The following SHANK2 variants were observed in gnomAD, a reference collection of about 807,000 sequenced individuals.
SHANK2 encodes SH3 and multiple ankyrin repeat domains protein 2.
In SHANK2, 43 loss-of-function variants were observed where a neutral mutation model predicts 133.7. That is an observed-to-expected ratio of 0.32 (90% CI 0.25 to 0.41). SHANK2 has a LOEUF of 0.41. Ranked by LOEUF, SHANK2 falls within the 10% of genes least tolerant of loss-of-function variation. SHANK2 has a pLI of 1.00. For synonymous variants in SHANK2, 1,017 were observed against 952.8 expected, an observed-to-expected ratio of 1.07 and a Z score of -1.24; for missense variants, 1,994 against 2,235.8, an observed-to-expected ratio of 0.89 and a Z score of 2.18.
At chr11:71,146,695 A>C (rs4614482) in intron 3 of SHANK2, among the ~76,000 whole-genome samples, 4 of 152,022 alleles carry the variant, frequency 2.6e-5, no homozygotes, top group Admixed American at 6.5e-5. Flanking sequence ...CCTCTGGCAC[A>C]GCAGAGTCCG....
At chr11:71,180,508 T>G (rs187251154) in intron 2 of SHANK2, among the ~76,000 whole-genome samples, 1 of 152,082 alleles carries the variant, frequency 6.6e-6, no homozygotes, top group African/African-American at 2.4e-5. Flanking sequence ...TAACAGCGCT[T>G]TGTACAAGAA....
intron 10 of SHANK2, among the ~76,000 whole-genome samples, chr11:70,953,993 CA>C (rs782174641): frequency 5.3e-5 from 8 of 152,298 alleles, no homozygotes; most frequent in Non-Finnish European, 1.0e-4. Flanking sequence ...GTCTAATAGA[CA>C]GTCTTACATG....
intron 14 of SHANK2, among the ~76,000 whole-genome samples, chr11:70,744,364 C>A (rs1320630): frequency 0.037 from 5,623 of 152,278 alleles, 343 homozygotes; most frequent in African/African-American, 0.13. Context: ...ATGTGGGGAA[C>A]CCTGCCGGGC....
intron 15 of SHANK2, among the ~76,000 whole-genome samples, chr11:70,685,804 C>A (rs1945135183): frequency 6.6e-6 from 1 of 152,136 alleles, no homozygotes; most frequent in African/African-American, 2.4e-5. Flanking sequence ...GCCATGCTAT[C>A]CTCTCCTTCC....
At chr11:70,886,134 C>T (rs1555073445) in intron 11 of SHANK2, among the ~76,000 whole-genome samples, 1 of 152,138 alleles carries the variant, frequency 6.6e-6, no homozygotes, top group Admixed American at 6.6e-5. Flanking sequence ...ACTTGCACAG[C>T]TCACTCGGTC....
chr11:70,781,065 T>G (rs782571539), intron 14 of SHANK2, among the ~76,000 whole-genome samples: 1 of 151,968 alleles, frequency 6.6e-6, no homozygotes, highest in Non-Finnish European at 1.5e-5. Flanking sequence ...GGTTCTCTGT[T>G]TATGAGCCCA....
intron 2 of SHANK2, among the ~76,000 whole-genome samples, chr11:71,205,197 G>C (rs1248885118): frequency 6.6e-6 from 1 of 152,200 alleles, no homozygotes; most frequent in Non-Finnish European, 1.5e-5. Flanking sequence ...AAGTACCCCA[G>C]GCCACGGACT....
intron 17 of SHANK2, among the ~76,000 whole-genome samples, chr11:70,536,400 T>A (rs553048742): frequency 1.7e-4 from 26 of 152,262 alleles, no homozygotes; most frequent in African/African-American, 5.5e-4. Flanking sequence ...TGGAGGCCAC[T>A]CCACAGCCAG....
At chr11:70,600,417 TCAAAA>T (rs2060477352) in intron 17 of SHANK2, among the ~76,000 whole-genome samples, 1 of 29,294 alleles carries the variant, frequency 3.4e-5, no homozygotes. Context: ...GGACTCTGTC[TCAAAA>T]AAAAAAAAAA....
chr11:70,474,638 A>G (rs1324476026), intron 25 of SHANK2: 1 of 152,248 alleles, frequency 6.6e-6, no homozygotes. Flanking sequence ...AAGCCCATTC[A>G]TCCTATTGTC....
intron 1 of SHANK2, among the ~76,000 whole-genome samples, chr11:71,238,460 CAG>C (rs1954850062): frequency 6.6e-6 from 1 of 152,206 alleles, no homozygotes; most frequent in Non-Finnish European, 1.5e-5. Flanking sequence ...AACCAAGGCC[CAG>C]AGAGGCCAAC....
At chr11:70,610,312 G>A (rs1372023775) in intron 17 of SHANK2, among the ~76,000 whole-genome samples, 1 of 152,092 alleles carries the variant, frequency 6.6e-6, no homozygotes. Flanking sequence ...TTAATACGAG[G>A]CGTGCAAACT....
At chr11:70,633,219 TA>T (rs1467421183) in intron 17 of SHANK2, among the ~76,000 whole-genome samples, 1 of 148,416 alleles carries the variant, frequency 6.7e-6, no homozygotes, top group East Asian at 1.9e-4. Flanking sequence ...ATGTATTACA[TA>T]AAAATATATT....
intron 1 of SHANK2, among the ~76,000 whole-genome samples, chr11:71,238,758 C>T (rs2135797888): frequency 6.6e-6 from 1 of 152,380 alleles, no homozygotes; most frequent in Non-Finnish European, 1.5e-5. Flanking sequence ...TTGCTCGAGT[C>T]AATCAGCAGA....
chr11:70,714,187 T>C (rs886750722), intron 14 of SHANK2, among the ~76,000 whole-genome samples: 3 of 152,190 alleles, frequency 2.0e-5, no homozygotes, highest in Non-Finnish European at 4.4e-5. Context: ...CTTCCCTGTC[T>C]GGAATGTGGA....
At chr11:71,248,125 C>T (rs1454442659) in intron 1 of SHANK2, among the ~76,000 whole-genome samples, 1 of 152,236 alleles carries the variant, frequency 6.6e-6, no homozygotes, top group African/African-American at 2.4e-5. Context: ...GGCCCATTGT[C>T]CCCCGCCCTG....
chr11:70,834,113 T>C (rs1948770229), intron 11 of SHANK2, among the ~76,000 whole-genome samples: 1 of 152,214 alleles, frequency 6.6e-6, no homozygotes, highest in African/African-American at 2.4e-5. Flanking sequence ...ATTCCCAGGG[T>C]TCTGGGGCAG....
chr11:70,570,139 A>G (rs1189121745), intron 17 of SHANK2, among the ~76,000 whole-genome samples: 1 of 152,188 alleles, frequency 6.6e-6, no homozygotes, highest in East Asian at 1.9e-4. Flanking sequence ...TGACCGAATG[A>G]CAAGAGGGAA....
intron 10 of SHANK2, among the ~76,000 whole-genome samples, chr11:70,937,975 G>A (rs80327584): frequency 5.3e-5 from 8 of 152,228 alleles, no homozygotes; most frequent in East Asian, 1.9e-4. Flanking sequence ...ATGTGTGAGC[G>A]TGATCTATCT....
Sources: allele counts gnomAD v4.1 joint callset (sites outside exome capture counted in the v4.1 genomes callset), GRCh38; gene constraint gnomAD v4.1.1; transcripts MANE v1.5; gene names NCBI Gene and HGNC (gene_info 2026-07-23, HGNC 2026-07-21).